KHK: variants seen among roughly 807,000 people sequenced by gnomAD.
The protein encoded by KHK is ketohexokinase, also known as fructokinase.
In KHK, 37 loss-of-function variants were observed where a neutral mutation model predicts 36.0. That is an observed-to-expected ratio of 1.03 (90% CI 0.79 to 1.35). The LOEUF is 1.35. KHK is among the 40% of genes most tolerant of loss of function. The pLI, the probability that KHK is intolerant of heterozygous loss-of-function variation, is 0.00. For synonymous variants in KHK, 161 were observed against 162.8 expected, an observed-to-expected ratio of 0.99 and a Z score of 0.08; for missense variants, 395 against 391.9, an observed-to-expected ratio of 1.01 and a Z score of -0.07.
At position 27,099,794 on chromosome 2, in the gene KHK, G is replaced by A. The variant is rs768046251; in HGVS notation, c.*44G>A. The A allele has an allele frequency of 1.1e-5, 18 of 1,601,228 alleles. No homozygotes were observed. The Admixed American group carries it at 1.7e-4, about 15-fold the overall frequency. ...CACACACCATGGAGACTACCATTGC[G>A]GCTGCATCGCCTTCTCCCCTCCATC... On this transcript the variant is annotated 3_prime_UTR_variant, in exon 8 of 8. Coordinates refer to ENST00000260598, the MANE Select transcript of KHK (RefSeq NM_006488.3).
Position 27,099,483 on chromosome 2 carries a change from G to C in KHK, c.717G>C (p.Leu239Phe). The part of the protein sequence containing the change: ...GADALGPDGK[L>F]LHSDAFPPPR... ...ACGCCCTGGGCCCTGATGGCAAATTGCTCCACTCGGATGCTTTCCCGCCAC... is the reference window on the plus strand; with the variant it reads ...ACGCCCTGGGCCCTGATGGCAAATTCCTCCACTCGGATGCTTTCCCGCCAC... The change falls in exon 7 of 8, where the codon TTG (leucine) becomes TTC (phenylalanine). Residue 239 changes from leucine (L) to phenylalanine (F), a missense_variant. Leu to Phe is a conservative substitution (Grantham distance 22). Transcript: ENST00000260598. 1 of 1,614,140 alleles carries C rather than the reference G, an allele frequency of 6.2e-7. No individual in the cohort carries two copies. The highest frequency in any genetic ancestry group is 2.2e-5 in the East Asian group (1 of 44,880).
chr2:27,087,219 C>A lies in KHK; in HGVS notation c.-41C>A. The A allele has an allele frequency of 6.6e-7, 1 of 1,521,080 alleles. No individual in the cohort carries two copies. The highest frequency in any genetic ancestry group is 8.9e-7 in the Non-Finnish European group (1 of 1,117,408). 94.2% of individuals were successfully genotyped at this position (1,521,080 alleles called of 1,614,324 possible). On this transcript the variant is annotated 5_prime_UTR_variant, in exon 1 of 8. Transcript: ENST00000260598. The stretch of plus-strand genomic sequence containing the variant: ...GATAAGAGGCAGAGGCCGGGAGGAA[C>A]CCCGTCAGCCGGGCGGGCAGGAAGC...
chr2:27,087,243 G>T lies in KHK; in HGVS notation c.-17G>T. ...ACCCCGTCAGCCGGGCGGGCAGGAA[G>T]CTCTGGGAGTAGCCTCATGGAAGAG... On this transcript the variant is annotated 5_prime_UTR_variant, in exon 1 of 8. Coordinates refer to ENST00000260598, the MANE Select transcript of KHK (RefSeq NM_006488.3). 1.3e-6 allele frequency: 2 copies of T among 1,572,594 alleles called. No homozygotes were observed. Among genetic ancestry groups the T allele is most frequent in the East Asian group, 2.3e-5 (1 of 42,692 alleles).
intron 2 of KHK, chr2:27,094,599 T>C (rs978774323): frequency 6.2e-7 from 1 of 1,614,054 alleles, no homozygotes; most frequent in Admixed American, 1.7e-5. Context: ...CGCACCATCC[T>C]ATACTATGAC....
At position 27,091,173 on chromosome 2, in the gene KHK, C is replaced by T. The variant is rs143636905; in HGVS notation, c.93-1159C>T. Among the ~76,000 whole-genome samples the T allele has an allele frequency of 1.0e-4, 16 of 152,382 alleles. No individual in the cohort carries two copies. In the East Asian group the frequency reaches 2.3e-3, roughly 22 times the overall value. On this transcript the variant is annotated intron_variant, in intron 1 of 7. Coordinates refer to ENST00000260598, the MANE Select transcript of KHK (RefSeq NM_006488.3). ...ATGGCTCACCCCAGCCTAAACCTCC[C>T]GGGCTCATACGCTCCCCCAACTTCA...
At chr2:27,089,183 C>G (rs1669840162) in intron 1 of KHK, among the ~76,000 whole-genome samples, 1 of 152,162 alleles carries the variant, frequency 6.6e-6, no homozygotes, top group Non-Finnish European at 1.5e-5. Flanking sequence ...GTCCAGGGTC[C>G]CTGCCCTCTG....
intron 1 of KHK, among the ~76,000 whole-genome samples, chr2:27,088,288 T>A (rs911514389): frequency 4.6e-5 from 7 of 151,936 alleles, no homozygotes; most frequent in African/African-American, 1.7e-4. Flanking sequence ...AAATTTTGTA[T>A]AAGGGACGGG....
chr2:27,098,633 T>C (rs1238495792), intron 5 of KHK, among the ~76,000 whole-genome samples: 1 of 152,190 alleles, frequency 6.6e-6, no homozygotes, highest in Non-Finnish European at 1.5e-5. Flanking sequence ...TTTTTGTTTT[T>C]ACCAAAACTT....
At position 27,100,349 on chromosome 2, in the gene KHK, C is replaced by A; in HGVS notation, c.*599C>A. ...CCAGCCTGTGATTTGATGGGGTCTTCATTGTCCAGAAATACCTCCTCCCGC... is the reference window on the plus strand; with the variant it reads ...CCAGCCTGTGATTTGATGGGGTCTTAATTGTCCAGAAATACCTCCTCCCGC... On this transcript the variant is annotated 3_prime_UTR_variant, in exon 8 of 8. Transcript: ENST00000260598. 1 of 1,075,246 alleles carries A rather than the reference C, an allele frequency of 9.3e-7. No individual in the cohort carries two copies. The highest frequency in any genetic ancestry group is 1.3e-6 in the Non-Finnish European group (1 of 795,316). The allele number at this position is 1,075,246 out of a possible 1,614,324, so 66.6% of individuals were successfully genotyped here. A position where few individuals can be genotyped will look rare whatever the true frequency, so the allele number is the denominator to read the frequency against.
intron 5 of KHK, 118 bp from the exon 6 acceptor site, chr2:27,099,078 C>T (rs567314857): frequency 1.7e-5 from 15 of 887,658 alleles, no homozygotes; most frequent in Middle Eastern, 2.2e-4. Flanking sequence ...TGAGATGCTA[C>T]GTTGGGGATC....
At chr2:27,098,180 GGTCCTCAACCTTGTGACTT>G (rs766390514) in intron 5 of KHK, among the ~76,000 whole-genome samples, 6 of 152,094 alleles carry the variant, frequency 3.9e-5, no homozygotes, top group Non-Finnish European at 1.5e-5. Context: ...ATCCAGCCAA[GGTCCTCAACCTTGTGACTT>G]GTCCTCAACC....
intron 1 of KHK, among the ~76,000 whole-genome samples, chr2:27,090,219 T>C (rs1669905863): frequency 6.6e-6 from 1 of 152,222 alleles, no homozygotes; most frequent in African/African-American, 2.4e-5. Flanking sequence ...AGTAAAATTC[T>C]ATATCCTTTC....
In KHK at chr2:27,099,612, A is replaced by T. The variant is rs751705633; in HGVS notation, c.811+35A>T. ...GCAGCAGGAGGGGAAAAGGACTGGG[A>T]CCTGTCCCTGCCCCAAACACCTGGC... is the stretch of plus-strand genomic sequence containing the variant. On this transcript the variant is annotated intron_variant, in intron 7 of 7. Coordinates refer to ENST00000260598, the MANE Select transcript of KHK (RefSeq NM_006488.3). 3 of 1,613,888 alleles carry T rather than the reference A, an allele frequency of 1.9e-6. No homozygotes were observed. The East Asian group carries it at 6.7e-5, about 36-fold the overall frequency.
chr2:27,098,923 G>C, intron 5 of KHK: 1 of 445,980 alleles, frequency 2.2e-6, no homozygotes, highest in Non-Finnish European at 4.2e-6. Flanking sequence ...TTCTGGCCAG[G>C]TGCAGTGACT....
At chr2:27,087,774 C>T (rs1669749336) in intron 1 of KHK, among the ~76,000 whole-genome samples, 1 of 152,228 alleles carries the variant, frequency 6.6e-6, no homozygotes, top group South Asian at 2.1e-4. Context: ...TATTTATCCA[C>T]ATATCTCGCA....
In KHK at chr2:27,099,236, A is replaced by G. The variant is rs1440617212; in HGVS notation, c.605A>G (p.Gln202Arg). 6.2e-7 allele frequency: 1 copy of G among 1,614,164 alleles called. No individual in the cohort carries two copies. Among genetic ancestry groups the G allele is most frequent in the Admixed American group, 1.7e-5 (1 of 60,022 alleles). The change falls in exon 6 of 8, where the codon CAG becomes CGG. Residue 202 changes from glutamine (Q) to arginine (R), a missense_variant. Physicochemically the swap from Gln to Arg is conservative, Grantham distance 43. Coordinates refer to ENST00000260598, the MANE Select transcript of KHK (RefSeq NM_006488.3). Reference protein sequence around the residue: ...SKDVAKHLGFQSAEEALRGLY... With the variant: ...SKDVAKHLGFRSAEEALRGLY... ...GATGTGGCCAAGCACTTGGGGTTCC[A>G]GTCAGCAGAGGAAGCCTTGAGGGGC...
intron 5 of KHK, chr2:27,098,779 T>G: frequency 5.0e-6 from 1 of 201,462 alleles, no homozygotes; most frequent in East Asian, 1.2e-4. Context: ...CGGTGGTAGA[T>G]TCCACCCCAA....
chr2:27,088,854 C>G (rs1048692600), intron 1 of KHK, among the ~76,000 whole-genome samples: 1 of 152,186 alleles, frequency 6.6e-6, no homozygotes, highest in African/African-American at 2.4e-5. Flanking sequence ...CTGAGAATTG[C>G]TCCTGGGCTA....
At chr2:27,090,688 C>T (rs954502270) in intron 1 of KHK, among the ~76,000 whole-genome samples, 4 of 151,306 alleles carry the variant, frequency 2.6e-5, no homozygotes, top group African/African-American at 7.3e-5. Flanking sequence ...CTCCTGACCT[C>T]GTGATCCACC....
Sources: allele counts gnomAD v4.1 joint callset (sites outside exome capture counted in the v4.1 genomes callset), GRCh38; gene constraint gnomAD v4.1.1; transcripts MANE v1.5; gene names NCBI Gene and HGNC (gene_info 2026-07-23, HGNC 2026-07-21).